The following RAPGEF1 variants were observed in gnomAD, a reference collection of about 807,000 sequenced individuals.
The protein encoded by RAPGEF1 is Rap guanine nucleotide exchange factor 1.
A neutral mutation model predicts 143.3 loss-of-function variants in RAPGEF1; 33 were observed. That is an observed-to-expected ratio of 0.23 (90% CI 0.17 to 0.31). The LOEUF (loss-of-function observed/expected upper bound fraction) is 0.31, where lower values mean the gene tolerates loss of function less well. Among genes scored for constraint, RAPGEF1 ranks in the 10% least tolerant of loss-of-function variants. The pLI is 1.00. For missense variants in RAPGEF1, 1,199 were observed against 1,645.4 expected, an observed-to-expected ratio of 0.73 and a Z score of 4.69; for synonymous variants, 629 against 676.5, an observed-to-expected ratio of 0.93 and a Z score of 1.09.
intron 24 of RAPGEF1, among the ~76,000 whole-genome samples, chr9:131,582,997 T>C (rs568157331): frequency 1.3e-5 from 2 of 152,292 alleles, no homozygotes; most frequent in East Asian, 3.9e-4. Context: ...CTTGTGTGTA[T>C]ACGACATCCC....
intron 11 of RAPGEF1, among the ~76,000 whole-genome samples, chr9:131,619,837 G>C (rs1224497675): frequency 6.6e-6 from 1 of 152,196 alleles, no homozygotes; most frequent in Non-Finnish European, 1.5e-5. Context: ...AACGCTTCCT[G>C]CATCTGCATT....
chr9:131,617,110 T>C (rs1959126199), intron 12 of RAPGEF1, among the ~76,000 whole-genome samples: 1 of 152,244 alleles, frequency 6.6e-6, no homozygotes, highest in Non-Finnish European at 1.5e-5. Context: ...AATTTAATTT[T>C]GTAGCGAACA....
intron 1 of RAPGEF1, among the ~76,000 whole-genome samples, chr9:131,738,021 C>T (rs1051220977): frequency 2.6e-5 from 4 of 151,988 alleles, no homozygotes; most frequent in Admixed American, 1.3e-4. Context: ...CGCCATTTTG[C>T]CCAGGCTTGT....
chr9:131,705,547 C>T (rs963808033), intron 1 of RAPGEF1, among the ~76,000 whole-genome samples: 1 of 152,182 alleles, frequency 6.6e-6, no homozygotes, highest in African/African-American at 2.4e-5. Flanking sequence ...TGAGCCACTG[C>T]TTCGTCCCAC....
chr9:131,626,453 G>T (rs202036411), intron 9 of RAPGEF1, 31 bp from the exon 10 acceptor site: 1 of 1,529,532 alleles, frequency 6.5e-7, no homozygotes. Context: ...AAAGAGACCC[G>T]TTAGCCACAG....
At position 131,655,235 on chromosome 9, in the gene RAPGEF1, C is replaced by T. The variant is rs1045174974; in HGVS notation, c.62-4286G>A. 3.3e-5 allele frequency among the ~76,000 whole-genome samples: 5 copies of T among 152,240 alleles called. No homozygotes were observed. Among genetic ancestry groups the T allele is most frequent in the Admixed American group, 2.6e-4 (4 of 15,286 alleles). On this transcript the variant is annotated intron_variant, in intron 1 of 26. Coordinates refer to ENST00000683357, the MANE Select transcript of RAPGEF1 (RefSeq NM_001377935.1). This position sits in a 1 kb window ranked among gnomAD's most constrained non-coding sequence, Gnocchi z 4.1. The stretch of plus-strand genomic sequence containing the variant: ...CTGGACCAAAGAGAAAAGCCAGGGC[C>T]TGACCCGCATTCACATGTGGTCAAA...
chr9:131,624,976 T>G (rs1962512892), intron 10 of RAPGEF1, among the ~76,000 whole-genome samples: 1 of 152,262 alleles, frequency 6.6e-6, no homozygotes, highest in Admixed American at 6.5e-5. Flanking sequence ...CGACCCTTGC[T>G]GGACTGAACC....
At chr9:131,629,309 C>T (rs557966418) in intron 6 of RAPGEF1, 55 bp from the exon 7 acceptor site, 525 of 1,539,416 alleles carry the variant, frequency 3.4e-4, no homozygotes, top group Middle Eastern at 7.0e-4. Context: ...GGACAGAGCA[C>T]ACACAGGCCC....
rs772381017 is a variant in RAPGEF1 at position 131,604,952 on chromosome 9, G to A, written c.2298C>T (p.Ser766=). ...TCACCGAGTCAGTGAAAGAGGTTTC[G>A]GAAGGAAGGCAGACAGTATTCCCAT... ...SFHGNTVCLP[S]ETSFTDSSEN... The change falls in exon 13 of 27, where the codon TCC becomes TCT. Residue 766 remains serine (S), a synonymous_variant. Coordinates refer to ENST00000683357, the MANE Select transcript of RAPGEF1 (RefSeq NM_001377935.1). 46 of 1,307,560 alleles carry A rather than the reference G, an allele frequency of 3.5e-5. No homozygotes were observed. The East Asian group carries it at 5.4e-4, about 15-fold the overall frequency. The allele number at this position is 1,307,560 out of a possible 1,614,324, so 81.0% of individuals were successfully genotyped here.
In RAPGEF1 at chr9:131,621,687, C is replaced by G; in HGVS notation, c.1905+109G>C. 4.3e-6 allele frequency: 5 copies of G among 1,171,842 alleles called. No homozygotes were observed. The highest frequency in any genetic ancestry group is 6.0e-6 in the Non-Finnish European group (5 of 832,570). 72.6% of individuals were successfully genotyped at this position (1,171,842 alleles called of 1,614,324 possible). A position where few individuals can be genotyped will look rare whatever the true frequency, so the allele number is the denominator to read the frequency against. On this transcript the variant is annotated intron_variant, in intron 11 of 26. Transcript: ENST00000683357. The surrounding 1 kb of genome is among the most constrained non-coding windows in gnomAD (Gnocchi z 4.5). ...TGCCTTCCACGCCCAAAACCAGGGC[C>G]CTGCCACAGCAGGGAGGAGGGTTAA...
intron 1 of RAPGEF1, among the ~76,000 whole-genome samples, chr9:131,735,614 G>A (rs961289767): frequency 1.3e-5 from 2 of 152,220 alleles, no homozygotes; most frequent in African/African-American, 4.8e-5. Context: ...ATGGGGCAAA[G>A]GTTTCAAAGT....
chr9:131,673,178 G>C (rs541584671), intron 1 of RAPGEF1, among the ~76,000 whole-genome samples: 5 of 152,174 alleles, frequency 3.3e-5, no homozygotes, highest in Admixed American at 6.5e-5. Flanking sequence ...GTCTGAAAAA[G>C]TGCACCCAAA....
At chr9:131,598,361 G>A (rs1170547670) in intron 15 of RAPGEF1, 51 bp from the exon 16 acceptor site, 8 of 1,502,236 alleles carry the variant, frequency 5.3e-6, no homozygotes, top group South Asian at 1.2e-5. Context: ...CTCAGCTCCC[G>A]ATGCCTGGAG....
chr9:131,626,191 C>T lies in RAPGEF1; in HGVS notation c.1433G>A (p.Arg478His), dbSNP rs374029787. Reference protein sequence around the residue: ...DTPPALPEKKRRSAASQTADG... With the variant: ...DTPPALPEKKHRSAASQTADG... Reference sequence around the variant, plus strand: ...CGCCGTCTGGGAGGCTGCGCTCCTGCGCTTCTTCTCGGGGAGAGCAGGTGG... The same window carrying T: ...CGCCGTCTGGGAGGCTGCGCTCCTGTGCTTCTTCTCGGGGAGAGCAGGTGG... Residue 478 changes from arginine (R) to histidine (H), a missense_variant, in exon 10 of 27, where the codon CGC becomes CAC. By Grantham distance (29) the Arg-to-His change is conservative. Transcript: ENST00000683357. The T allele has an allele frequency of 7.4e-5, 119 of 1,613,798 alleles. 2 individuals carry two copies. The highest frequency in any genetic ancestry group is 9.4e-5 in the Non-Finnish European group (111 of 1,179,850).
rs919003714 is a variant in RAPGEF1, at chr9:131,716,564, G to C, written c.61+23206C>G. On this transcript the variant is annotated intron_variant, in intron 1 of 26. Coordinates refer to ENST00000683357, the MANE Select transcript of RAPGEF1 (RefSeq NM_001377935.1). ...GTTGATTACTTGAGCCCAGGCGTTT[G>C]AGACCTGCCTGGGCAACATGGCAAA... 5.9e-5 allele frequency among the ~76,000 whole-genome samples: 9 copies of C among 152,320 alleles called. No homozygotes were observed. The East Asian group carries it at 1.7e-3, about 29-fold the overall frequency.
chr9:131,654,574 G>A (rs1308161777), intron 1 of RAPGEF1, among the ~76,000 whole-genome samples: 3 of 152,064 alleles, frequency 2.0e-5, no homozygotes, highest in Admixed American at 2.0e-4. Flanking sequence ...TGGTGGTGCA[G>A]ACCTGTAGTC....
At chr9:131,630,425 T>C (rs1964533141) in intron 5 of RAPGEF1, 101 bp from the exon 6 acceptor site, 11 of 1,129,866 alleles carry the variant, frequency 9.7e-6, no homozygotes, top group Non-Finnish European at 1.3e-5. Context: ...CTGAGTCTCA[T>C]TTCTGTGCCT....
At position 131,643,378 on chromosome 9, in the gene RAPGEF1, T is replaced by C. The variant is rs775368540; in HGVS notation, c.355A>G (p.Ser119Gly). 1 of 1,613,836 alleles carries C rather than the reference T, an allele frequency of 6.2e-7. No homozygotes were observed. The highest frequency in any genetic ancestry group is 8.5e-7 in the Non-Finnish European group (1 of 1,179,820). Residue 119 changes from serine to glycine, a missense_variant, in exon 4 of 27, where the codon AGT (serine) becomes GGT (glycine). Around this residue, in one of 6 missense-constraint regions of RAPGEF1, gnomAD observed 613 missense variants for 710.9 expected, o/e 0.86. Transcript: ENST00000683357. ...ATGGTCTTAAAGTAGCGCAGGGCACTGACAACTTCCTTCTCTTTCTCCTCC... is the reference window on the plus strand; with the variant it reads ...ATGGTCTTAAAGTAGCGCAGGGCACCGACAACTTCCTTCTCTTTCTCCTCC... ...WLEEKEKEVV[S>G]ALRYFKTIVD... is the part of the protein sequence containing the mutation.
intron 1 of RAPGEF1, among the ~76,000 whole-genome samples, chr9:131,705,774 C>T (rs1835007267): frequency 1.3e-5 from 2 of 152,288 alleles, no homozygotes; most frequent in Non-Finnish European, 2.9e-5. Context: ...TGTCTCAAAT[C>T]ACTAGAGAAG....
Sources: gnomAD v4.1 joint callset for allele counts (sites outside exome capture counted in the v4.1 genomes callset) on GRCh38, gnomAD v4.1.1 for gene constraint, gnomAD v4.1.1 regional missense constraint, Gnocchi (gnomAD v3.1) non-coding constraint, MANE v1.5 for transcripts, NCBI Gene and HGNC (gene_info 2026-07-23, HGNC 2026-07-21) for gene names.